The following SPAG16 variants were observed in gnomAD, a reference collection of about 807,000 sequenced individuals.
The protein encoded by SPAG16 is sperm-associated antigen 16 protein.
A neutral mutation model predicts 80.4 loss-of-function variants in SPAG16; 86 were observed. The observed-to-expected ratio is 1.07, with a 90% confidence interval of 0.90 to 1.28. SPAG16 has a LOEUF of 1.28. Among genes scored for constraint, SPAG16 ranks in the 50% most tolerant of loss-of-function variants. The pLI, the probability that SPAG16 is intolerant of heterozygous loss-of-function variation, is 0.00. For missense variants in SPAG16, 870 were observed against 765.3 expected (o/e 1.14, Z -1.61); for synonymous variants, 294 against 265.9 (o/e 1.11, Z -1.03).
intron 8 of SPAG16, among the ~76,000 whole-genome samples, chr2:213,369,506 T>C (rs917886127): frequency 6.6e-6 from 1 of 152,184 alleles, no homozygotes; most frequent in Non-Finnish European, 1.5e-5. Flanking sequence ...AACACACCTA[T>C]CTGTACAATT....
intron 13 of SPAG16, among the ~76,000 whole-genome samples, chr2:214,073,292 A>C (rs1405159428): frequency 6.7e-6 from 1 of 148,164 alleles, no homozygotes; most frequent in Non-Finnish European, 1.5e-5. Flanking sequence ...GCTGGAGTGC[A>C]GTGGCGCAAT....
At chr2:213,644,062 T>G (rs1180214227) in intron 10 of SPAG16, among the ~76,000 whole-genome samples, 2 of 151,306 alleles carry the variant, frequency 1.3e-5, no homozygotes, top group Non-Finnish European at 2.9e-5. Flanking sequence ...ATTACAGGCA[T>G]GAGACACCAC....
At chr2:213,727,763 T>A (rs1423954630) in intron 10 of SPAG16, among the ~76,000 whole-genome samples, 1 of 152,216 alleles carries the variant, frequency 6.6e-6, no homozygotes, top group Admixed American at 6.5e-5. Context: ...TGAATTGACT[T>A]ACATTTTACT....
chr2:214,107,544 G>T lies in SPAG16; in HGVS notation c.1528-652G>T, dbSNP rs149216018. On this transcript the variant is annotated intron_variant, in intron 13 of 15. Coordinates refer to ENST00000331683, the MANE Select transcript of SPAG16 (RefSeq NM_024532.5). ...AGATCCCTATTATAATGTGTTATAG[G>T]TCCATCTTTCCCGGAAACATTTAAA... Among the ~76,000 whole-genome samples the T allele has an allele frequency of 3.5e-3, 536 of 152,136 alleles. 3 individuals are homozygous for T. The highest frequency in any genetic ancestry group is 0.014 in the Middle Eastern group (4 of 292).
intron 13 of SPAG16, among the ~76,000 whole-genome samples, chr2:214,050,732 C>T (rs2049599297): frequency 6.6e-6 from 1 of 152,110 alleles, no homozygotes; most frequent in South Asian, 2.1e-4. Flanking sequence ...CCCTTTGTGT[C>T]CATAGGTTCC....
chr2:213,322,070 TAATAAA>T (rs2126150437), intron 5 of SPAG16, among the ~76,000 whole-genome samples: 1 of 148,728 alleles, frequency 6.7e-6, no homozygotes, highest in South Asian at 2.1e-4. Context: ...ACTTAAAGTA[TAATAAA>T]AATAAATAAA....
At chr2:214,372,011 C>T (rs1363977798) in intron 15 of SPAG16, among the ~76,000 whole-genome samples, 1 of 152,044 alleles carries the variant, frequency 6.6e-6, no homozygotes, top group Non-Finnish European at 1.5e-5. Flanking sequence ...TTATATATAT[C>T]TTATATGTAG....
At chr2:213,632,094 T>C (rs1351184706) in intron 10 of SPAG16, among the ~76,000 whole-genome samples, 15 of 152,194 alleles carry the variant, frequency 9.9e-5, no homozygotes, top group Admixed American at 5.9e-4. Context: ...TTAAAAATAC[T>C]GATTCTTCTA....
At chr2:213,600,018 G>T (rs1384995744) in intron 10 of SPAG16, among the ~76,000 whole-genome samples, 1 of 152,142 alleles carries the variant, frequency 6.6e-6, no homozygotes, top group Non-Finnish European at 1.5e-5. Flanking sequence ...GTCAAAGGTT[G>T]TATGCAGATT....
chr2:213,918,558 G>C (rs1010034986), intron 11 of SPAG16, among the ~76,000 whole-genome samples: 2 of 152,158 alleles, frequency 1.3e-5, no homozygotes, highest in African/African-American at 2.4e-5. Flanking sequence ...TCTTTTGTTA[G>C]TGAATAAGTC....
chr2:214,075,331 T>C (rs1173345723), intron 13 of SPAG16, among the ~76,000 whole-genome samples: 2 of 152,098 alleles, frequency 1.3e-5, no homozygotes, highest in Non-Finnish European at 2.9e-5. Flanking sequence ...TCCCTTCCAT[T>C]ATTGTACATT....
chr2:213,425,488 A>G (rs188173955), intron 9 of SPAG16, among the ~76,000 whole-genome samples: 100 of 151,992 alleles, frequency 6.6e-4, no homozygotes, highest in African/African-American at 2.3e-3. Context: ...CATCTCTACT[A>G]AAAATACAAA....
intron 15 of SPAG16, among the ~76,000 whole-genome samples, chr2:214,165,194 GA>G (rs11388081): frequency 2.0e-4 from 31 of 151,686 alleles, no homozygotes; most frequent in African/African-American, 5.6e-4. Flanking sequence ...AAGTTTGCAT[GA>G]AAAAAAAGTT....
chr2:214,286,021 A>G (rs539105601), intron 15 of SPAG16, among the ~76,000 whole-genome samples: 2 of 151,878 alleles, frequency 1.3e-5, no homozygotes, highest in East Asian at 3.9e-4. Context: ...GTCTTATTCC[A>G]TTGAGTTAAC....
chr2:214,041,483 G>A (rs1332577687), intron 13 of SPAG16, among the ~76,000 whole-genome samples: 1 of 149,110 alleles, frequency 6.7e-6, no homozygotes, highest in Non-Finnish European at 1.5e-5. Flanking sequence ...GCTAAAAAAT[G>A]TCCTATGTAG....
At chr2:213,686,092 A>C (rs1404905827) in intron 10 of SPAG16, among the ~76,000 whole-genome samples, 1 of 152,108 alleles carries the variant, frequency 6.6e-6, no homozygotes, top group Non-Finnish European at 1.5e-5. Context: ...CTAAACCCAA[A>C]ATTTTCCTAG....
At chr2:213,400,340 AT>A (rs2068247108) in intron 9 of SPAG16, among the ~76,000 whole-genome samples, 1 of 152,132 alleles carries the variant, frequency 6.6e-6, no homozygotes, top group East Asian at 1.9e-4. Context: ...TATATGTAGC[AT>A]TTTAATTTTT....
At chr2:213,294,947 A>T (rs572641806) in intron 1 of SPAG16, among the ~76,000 whole-genome samples, 3 of 152,268 alleles carry the variant, frequency 2.0e-5, no homozygotes, top group African/African-American at 7.2e-5. Context: ...CATAGGCAGG[A>T]TGAGGATGAA....
chr2:213,890,265 G>A (rs947377904), intron 11 of SPAG16, among the ~76,000 whole-genome samples: 3 of 152,014 alleles, frequency 2.0e-5, no homozygotes, highest in African/African-American at 7.2e-5. Flanking sequence ...ATATAGAACT[G>A]TAAAATCTAA....
Sources: allele counts gnomAD v4.1 joint callset (sites outside exome capture counted in the v4.1 genomes callset), GRCh38; gene constraint gnomAD v4.1.1; transcripts MANE v1.5; gene names NCBI Gene and HGNC (gene_info 2026-07-23, HGNC 2026-07-21).